The following PAK5 variants were observed in gnomAD, a reference collection of about 807,000 sequenced individuals.
PAK5 encodes the protein serine/threonine-protein kinase PAK 5.
Under a neutral mutation model 65.9 loss-of-function variants are expected in PAK5, and 16 were observed. The ratio of observed to expected loss-of-function variants is 0.24; its 90% CI spans 0.16 to 0.37. The LOEUF is 0.37. Among genes scored for constraint, PAK5 ranks in the 10% least tolerant of loss-of-function variants. PAK5 has a pLI of 1.00. For missense variants in PAK5, 785 were observed against 903.9 expected (o/e 0.87, Z 1.69); for synonymous variants, 371 against 354.9 (o/e 1.05, Z -0.51).
intron 2 of PAK5, among the ~76,000 whole-genome samples, chr20:9,671,536 A>G (rs1600224142): frequency 1.3e-5 from 2 of 152,042 alleles, no homozygotes; most frequent in East Asian, 3.9e-4. Context: ...CTTTGAATCA[A>G]TTGTGAATGG....
intron 3 of PAK5, among the ~76,000 whole-genome samples, chr20:9,635,373 G>A (rs1293795880): frequency 6.6e-6 from 1 of 152,140 alleles, no homozygotes. Flanking sequence ...TTCATGCACA[G>A]AGGCTTCACA....
chr20:9,659,885 C>G (rs1471996939), intron 2 of PAK5, among the ~76,000 whole-genome samples: 2 of 152,106 alleles, frequency 1.3e-5, no homozygotes, highest in Non-Finnish European at 2.9e-5. Flanking sequence ...ATAGAAACCC[C>G]TGCTATGGTG....
chr20:9,617,129 C>T (rs1213361624), intron 3 of PAK5, among the ~76,000 whole-genome samples: 2 of 152,158 alleles, frequency 1.3e-5, no homozygotes, highest in Non-Finnish European at 2.9e-5. Context: ...AATACATAAT[C>T]GGCTTCACTA....
intron 1 of PAK5, among the ~76,000 whole-genome samples, chr20:9,824,381 C>T (rs1023276640): frequency 2.6e-5 from 4 of 152,054 alleles, no homozygotes; most frequent in Non-Finnish European, 5.9e-5. Flanking sequence ...AAGTGAGGCC[C>T]TGCCTCTTAA....
intron 3 of PAK5, among the ~76,000 whole-genome samples, chr20:9,618,347 C>T: frequency 6.6e-6 from 1 of 151,848 alleles, no homozygotes; most frequent in African/African-American, 2.4e-5. Flanking sequence ...ATCCCCTGCC[C>T]AGTGTTATTG....
chr20:9,592,916 T>G (rs138818078), intron 3 of PAK5, among the ~76,000 whole-genome samples: 92 of 152,214 alleles, frequency 6.0e-4, no homozygotes, highest in African/African-American at 2.1e-3. Context: ...AAATCCCATC[T>G]CTTAAACCCA....
intron 1 of PAK5, among the ~76,000 whole-genome samples, chr20:9,738,117 G>A (rs1381035611): frequency 6.6e-6 from 1 of 151,930 alleles, no homozygotes; most frequent in Non-Finnish European, 1.5e-5. Context: ...CTCCAGCCTG[G>A]TTACAGAGAG....
At chr20:9,834,095 C>T (rs915953334) in intron 1 of PAK5, among the ~76,000 whole-genome samples, 3 of 152,122 alleles carry the variant, frequency 2.0e-5, no homozygotes, top group Non-Finnish European at 2.9e-5. Context: ...CACTTTTAAA[C>T]AAAATCAAGG....
intron 4 of PAK5, among the ~76,000 whole-genome samples, chr20:9,571,529 G>A (rs568257612): frequency 5.3e-5 from 8 of 152,176 alleles, no homozygotes; most frequent in African/African-American, 1.4e-4. Flanking sequence ...GTGGGAGGGC[G>A]CCCAGCACAC....
intron 1 of PAK5, among the ~76,000 whole-genome samples, chr20:9,814,410 T>C (rs1195971595): frequency 6.6e-6 from 1 of 152,136 alleles, no homozygotes; most frequent in African/African-American, 2.4e-5. Flanking sequence ...GAAAAAATGA[T>C]TGTGGTTAAT....
chr20:9,666,236 A>G (rs2047415520), intron 2 of PAK5, among the ~76,000 whole-genome samples: 2 of 152,164 alleles, frequency 1.3e-5, no homozygotes, highest in Admixed American at 6.5e-5. Context: ...CTTGAGTCAT[A>G]TAATTGAAAT....
At chr20:9,708,528 T>C (rs1189661728) in intron 2 of PAK5, among the ~76,000 whole-genome samples, 1 of 152,220 alleles carries the variant, frequency 6.6e-6, no homozygotes, top group Non-Finnish European at 1.5e-5. Context: ...CATATGATCA[T>C]GATCATCACC....
At chr20:9,641,716 G>T (rs1222213733) in intron 3 of PAK5, among the ~76,000 whole-genome samples, 3 of 152,228 alleles carry the variant, frequency 2.0e-5, no homozygotes, top group Non-Finnish European at 2.9e-5. Flanking sequence ...GCGGGCTGCA[G>T]GTCCCAAGCC....
chr20:9,634,875 C>A (rs544041742), intron 3 of PAK5, among the ~76,000 whole-genome samples: 1 of 152,198 alleles, frequency 6.6e-6, no homozygotes, highest in African/African-American at 2.4e-5. Context: ...AAGTAACAGG[C>A]ACCAAGAGAA....
intron 3 of PAK5, among the ~76,000 whole-genome samples, chr20:9,598,447 T>G (rs2046308724): frequency 6.6e-6 from 1 of 152,206 alleles, no homozygotes; most frequent in Non-Finnish European, 1.5e-5. Context: ...TATAATAGAA[T>G]GATTAATGTT....
chr20:9,580,530 T>C lies in PAK5; in HGVS notation c.605A>G (p.His202Arg). 1 of 1,614,100 alleles carries C rather than the reference T, an allele frequency of 6.2e-7. No homozygotes were observed. Residue 202 changes from histidine to arginine, a missense_variant, in exon 4 of 10, where the codon CAT becomes CGT. Transcript: ENST00000353224. The part of the protein sequence containing the change: ...FARFSADYHS[H>R]LDSLSKPSEY... ...ACTTGGTTTGCTCAGTGAGTCCAAA[T>C]GTGAGTGATAATCGGCAGAAAATCT...
chr20:9,563,060 G>A lies in PAK5; in HGVS notation c.1483-36C>T, dbSNP rs141440259. On this transcript the variant is annotated intron_variant, in intron 5 of 9. Coordinates refer to ENST00000353224, the MANE Select transcript of PAK5 (RefSeq NM_177990.4). ...GGGAAATATACTTTTGACTTGTGAA[G>A]ATGAAGTTGCTTTTTGTTCTCTTGT... 6,960 of 1,604,296 alleles carry A rather than the reference G, an allele frequency of 4.3e-3. 17 individuals carry two copies. Among genetic ancestry groups the A allele is most frequent in the Admixed American group, 5.3e-3 (316 of 59,588 alleles).
chr20:9,766,148 G>A (rs1047943017), intron 1 of PAK5, among the ~76,000 whole-genome samples: 16 of 151,220 alleles, frequency 1.1e-4, no homozygotes, highest in Non-Finnish European at 1.6e-4. Context: ...CTTGAACCCG[G>A]AAGGCAGAGG....
chr20:9,654,314 T>C (rs2047238942), intron 2 of PAK5, among the ~76,000 whole-genome samples: 1 of 152,172 alleles, frequency 6.6e-6, no homozygotes, highest in African/African-American at 2.4e-5. Flanking sequence ...TTTGTCTTTC[T>C]CTTCTACTTT....
Sources: gnomAD v4.1 joint callset for allele counts (sites outside exome capture counted in the v4.1 genomes callset) on GRCh38, gnomAD v4.1.1 for gene constraint, MANE v1.5 for transcripts, NCBI Gene and HGNC (gene_info 2026-07-23, HGNC 2026-07-21) for gene names.